The following ADAMTS17 variants were observed in gnomAD, a reference collection of about 807,000 sequenced individuals.
The protein encoded by ADAMTS17 is A disintegrin and metalloproteinase with thrombospondin motifs 17.
Under a neutral mutation model 141.5 loss-of-function variants are expected in ADAMTS17, and 113 were observed. The ratio of observed to expected loss-of-function variants is 0.80; its 90% CI spans 0.69 to 0.93. The LOEUF (loss-of-function observed/expected upper bound fraction) is 0.93, where lower values mean the gene tolerates loss of function less well. Among genes scored for constraint, ADAMTS17 ranks in the 40% least tolerant of loss-of-function variants. The pLI, the probability that ADAMTS17 is intolerant of heterozygous loss-of-function variation, is 0.00. For synonymous variants in ADAMTS17, 768 were observed against 630.6 expected, an observed-to-expected ratio of 1.22 and a Z score of -3.27; for missense variants, 1,659 against 1,517.9, an observed-to-expected ratio of 1.09 and a Z score of -1.54.
chr15:100,281,291 C>T lies in ADAMTS17; in HGVS notation c.727G>A (p.Asp243Asn), dbSNP rs551851234. 8.2e-5 allele frequency: 132 copies of T among 1,608,736 alleles called. No homozygotes were observed. In the East Asian group the frequency reaches 8.9e-4, roughly 11 times the overall value. The stretch of plus-strand genomic sequence containing the variant: ...TCGGCCCCGTGGTACTGCACCATGT[C>T]GGCGTCGGCCACCACCAGGGTCTCC... ...TVETLVVADA[D>N]MVQYHGAEAA... Residue 243 changes from aspartate (D) to asparagine (N), a missense_variant, in exon 4 of 22, where the codon GAC (aspartate) becomes AAC (asparagine). By Grantham distance (23) the Asp-to-Asn change is conservative (BLOSUM62 1). Transcript: ENST00000268070.
At position 100,133,198 on chromosome 15, in the gene ADAMTS17, G is replaced by C; in HGVS notation, c.1575+16C>G. The C allele has an allele frequency of 6.4e-7, 1 of 1,572,232 alleles. No homozygotes were observed. The highest frequency in any genetic ancestry group is 8.6e-7 in the Non-Finnish European group (1 of 1,156,676). On this transcript the variant is annotated intron_variant, in intron 11 of 21. Coordinates refer to ENST00000268070, the MANE Select transcript of ADAMTS17 (RefSeq NM_139057.4). Reference sequence around the variant, plus strand: ...GTGGAGCTGCCTGTTGGGGGCAGTGGGAAGTCAGAGGTTACCTTGTCTGCC... The same window carrying C: ...GTGGAGCTGCCTGTTGGGGGCAGTGCGAAGTCAGAGGTTACCTTGTCTGCC...
Position 100,281,490 on chromosome 15 carries a change from A to G in ADAMTS17, c.617-89T>C. On this transcript the variant is annotated intron_variant, in intron 3 of 21. Coordinates refer to ENST00000268070, the MANE Select transcript of ADAMTS17 (RefSeq NM_139057.4). ...ACAGGCCTTCTGTCAAGCCTGCCCGAGAGAGTGGTCAGTCTCGACAGGCCT... is the reference window on the plus strand; with the variant it reads ...ACAGGCCTTCTGTCAAGCCTGCCCGGGAGAGTGGTCAGTCTCGACAGGCCT... The G allele has an allele frequency of 2.0e-6, 3 of 1,513,830 alleles. No homozygotes were observed. The South Asian group carries it at 3.6e-5, about 18-fold the overall frequency. 93.8% of individuals were successfully genotyped at this position (1,513,830 alleles called of 1,614,324 possible).
chr15:100,073,427 G>A (rs1002464037), intron 15 of ADAMTS17, among the ~76,000 whole-genome samples: 1 of 152,072 alleles, frequency 6.6e-6, no homozygotes, highest in Non-Finnish European at 1.5e-5. Flanking sequence ...ATACCCAAAG[G>A]ATTATAAATC....
intron 3 of ADAMTS17, among the ~76,000 whole-genome samples, chr15:100,303,651 A>G (rs191045679): frequency 3.1e-4 from 47 of 152,250 alleles, no homozygotes; most frequent in Admixed American, 2.6e-3. Context: ...ATATGTGATT[A>G]TATTTGTATC....
intron 18 of ADAMTS17, among the ~76,000 whole-genome samples, chr15:100,038,832 C>A (rs528681690): frequency 2.6e-5 from 4 of 152,196 alleles, no homozygotes; most frequent in Non-Finnish European, 5.9e-5. Context: ...AATGCCTAGG[C>A]TGGAATCTTT....
At chr15:100,110,699 A>G (rs946698471) in intron 13 of ADAMTS17, among the ~76,000 whole-genome samples, 2 of 152,158 alleles carry the variant, frequency 1.3e-5, no homozygotes, top group African/African-American at 2.4e-5. Context: ...GTTACTTTGC[A>G]CAGGGCGAGA....
chr15:100,191,868 A>C (rs955553951), intron 8 of ADAMTS17, among the ~76,000 whole-genome samples: 8 of 151,510 alleles, frequency 5.3e-5, no homozygotes, highest in Non-Finnish European at 8.8e-5. Flanking sequence ...CCACAGTCGC[A>C]AGCTCATTCT....
chr15:100,138,820 GTC>G (rs1476393633), intron 10 of ADAMTS17, among the ~76,000 whole-genome samples: 5 of 152,184 alleles, frequency 3.3e-5, no homozygotes, highest in Non-Finnish European at 7.3e-5. Flanking sequence ...AATGATCTCT[GTC>G]TCTTAGGATT....
intron 7 of ADAMTS17, among the ~76,000 whole-genome samples, chr15:100,238,433 G>A (rs141742384): frequency 1.7e-3 from 257 of 152,320 alleles, no homozygotes; most frequent in African/African-American, 5.9e-3. Flanking sequence ...GGCTGGAGCC[G>A]GGCCTGGCAC....
intron 17 of ADAMTS17, among the ~76,000 whole-genome samples, chr15:100,050,688 TA>T (rs2032071773): frequency 6.6e-6 from 1 of 152,228 alleles, no homozygotes; most frequent in African/African-American, 2.4e-5. Context: ...TGCTCAGGAC[TA>T]GGGATGGCGG....
intron 18 of ADAMTS17, among the ~76,000 whole-genome samples, chr15:100,007,215 C>T (rs572796670): frequency 1.1e-4 from 17 of 152,320 alleles, no homozygotes; most frequent in Admixed American, 2.6e-4. Flanking sequence ...AGCATTCAGA[C>T]GGAGGGAGCC....
Position 100,227,302 on chromosome 15 carries a change from G to A in ADAMTS17, c.1075+26834C>T, listed in dbSNP as rs184550607. On this transcript the variant is annotated intron_variant, in intron 7 of 21. Transcript: ENST00000268070. Reference sequence around the variant, plus strand: ...AAATAACCACTGTCTGTTCTGCTGGGAGCAAAACTGAGATCCTCTGTCTTT... The same window carrying A: ...AAATAACCACTGTCTGTTCTGCTGGAAGCAAAACTGAGATCCTCTGTCTTT... Among the ~76,000 whole-genome samples the A allele has an allele frequency of 9.1e-4, 138 of 152,260 alleles. 2 individuals are homozygous for A. Among genetic ancestry groups the A allele is most frequent in the Admixed American group, 8.1e-3 (124 of 15,288 alleles).
At chr15:100,309,677 G>A (rs1399205726) in intron 3 of ADAMTS17, among the ~76,000 whole-genome samples, 1 of 152,220 alleles carries the variant, frequency 6.6e-6, no homozygotes, top group East Asian at 1.9e-4. Flanking sequence ...GAATCCACGT[G>A]AAGCCCAGCA....
chr15:99,974,109 CT>C lies in ADAMTS17; in HGVS notation c.*292del. The C allele has an allele frequency of 2.0e-6, 1 of 490,776 alleles. No individual in the cohort carries two copies. Among genetic ancestry groups the C allele is most frequent in the Non-Finnish European group, 3.7e-6 (1 of 267,874 alleles). 30.4% of individuals were successfully genotyped at this position (490,776 alleles called of 1,614,324 possible). A position where few individuals can be genotyped will look rare whatever the true frequency, so the allele number is the denominator to read the frequency against. On this transcript the variant is annotated 3_prime_UTR_variant, in exon 22 of 22. Transcript: ENST00000268070. ...CAAGAACACTAAATGATGTCTCTCT[CT>C]TGACGGTTGTCTGCCAGAGGTGCTT...
chr15:100,308,552 T>C (rs559159354), intron 3 of ADAMTS17, among the ~76,000 whole-genome samples: 2 of 152,344 alleles, frequency 1.3e-5, no homozygotes, highest in African/African-American at 4.8e-5. Context: ...TTTTAGGTAG[T>C]TACTGATGTA....
intron 4 of ADAMTS17, among the ~76,000 whole-genome samples, chr15:100,264,750 A>G (rs2142006983): frequency 6.6e-6 from 1 of 152,212 alleles, no homozygotes; most frequent in East Asian, 1.9e-4. Flanking sequence ...CCCTTGGAAC[A>G]AATGCCACTA....
At chr15:100,307,181 C>A (rs1490456737) in intron 3 of ADAMTS17, among the ~76,000 whole-genome samples, 8 of 152,200 alleles carry the variant, frequency 5.3e-5, no homozygotes, top group Admixed American at 5.2e-4. Flanking sequence ...CTATCACCAG[C>A]CCTACCCCAA....
At chr15:100,038,614 T>C (rs2030972738) in intron 18 of ADAMTS17, among the ~76,000 whole-genome samples, 1 of 152,248 alleles carries the variant, frequency 6.6e-6, no homozygotes, top group African/African-American at 2.4e-5. Flanking sequence ...TTTTTCTTAA[T>C]TTCACTTAAT....
At chr15:100,009,929 C>T (rs993259541) in intron 18 of ADAMTS17, among the ~76,000 whole-genome samples, 1 of 152,226 alleles carries the variant, frequency 6.6e-6, no homozygotes, top group Non-Finnish European at 1.5e-5. Context: ...GTGTCCTCAC[C>T]TGAATCTCAT....
Sources: allele counts gnomAD v4.1 joint callset (sites outside exome capture counted in the v4.1 genomes callset), GRCh38; gene constraint gnomAD v4.1.1; transcripts MANE v1.5; gene names NCBI Gene and HGNC (gene_info 2026-07-23, HGNC 2026-07-21).